The following TOX variants were observed in gnomAD, a reference collection of about 807,000 sequenced individuals.
TOX encodes the protein thymocyte selection associated high mobility group box.
Under a neutral mutation model 53.7 loss-of-function variants are expected in TOX, and 11 were observed. The observed-to-expected ratio is 0.20, with a 90% CI of 0.13 to 0.34. The LOEUF is 0.34. Among genes scored for constraint, TOX ranks in the 10% least tolerant of loss-of-function variants. The probability of loss-of-function intolerance (pLI) is 1.00; values close to 1 mark genes in which losing one functional copy is unlikely to be tolerated. For synonymous variants in TOX, 225 were observed against 245.3 expected (o/e 0.92, Z 0.77); for missense variants, 570 against 664.6 (o/e 0.86, Z 1.56).
chr8:58,979,166 A>T (rs1004628348), intron 1 of TOX, among the ~76,000 whole-genome samples: 3 of 152,228 alleles, frequency 2.0e-5, no homozygotes, highest in African/African-American at 7.2e-5. Flanking sequence ...TTAAAATGTC[A>T]GTAGTTGATT....
At position 58,838,902 on chromosome 8, in the gene TOX, A is replaced by G. The variant is rs184628219; in HGVS notation, c.694-591T>C. Among the ~76,000 whole-genome samples, 12 of 152,000 alleles carry G rather than the reference A, an allele frequency of 7.9e-5. No individual in the cohort carries two copies. In the East Asian group the frequency reaches 2.3e-3, roughly 29 times the overall value. On this transcript the variant is annotated intron_variant, in intron 4 of 8. Transcript: ENST00000361421. Reference sequence around the variant, plus strand: ...ATTTTAGTAGAGATGGGTTTTCACCATGTTGGCCAGGATGGTCTCGATCTC... The same window carrying G: ...ATTTTAGTAGAGATGGGTTTTCACCGTGTTGGCCAGGATGGTCTCGATCTC...
intron 1 of TOX, among the ~76,000 whole-genome samples, chr8:59,084,238 T>A (rs1466260736): frequency 6.6e-6 from 1 of 152,130 alleles, no homozygotes; most frequent in Non-Finnish European, 1.5e-5. Flanking sequence ...AAATATTACA[T>A]CTTTATTATC....
At chr8:58,998,030 G>A (rs1028167399) in intron 1 of TOX, among the ~76,000 whole-genome samples, 2 of 152,100 alleles carry the variant, frequency 1.3e-5, no homozygotes, top group African/African-American at 2.4e-5. Context: ...CTGACCTCGT[G>A]ATCCGCCCGC....
chr8:58,957,130 G>T lies in TOX; in HGVS notation c.168+2813C>A, dbSNP rs1031321837. 9.2e-5 allele frequency among the ~76,000 whole-genome samples: 14 copies of T among 152,156 alleles called. 1 individual carries two copies. Among genetic ancestry groups the T allele is most frequent in the Admixed American group, 7.9e-4 (12 of 15,264 alleles). On this transcript the variant is annotated intron_variant, in intron 2 of 8. Transcript: ENST00000361421. Reference sequence around the variant, plus strand: ...ACTTTCTCCCACAAACTCTTAACGGGACAAAGTTCAGGAGGCATTAAGCAA... The same window carrying T: ...ACTTTCTCCCACAAACTCTTAACGGTACAAAGTTCAGGAGGCATTAAGCAA...
chr8:58,905,704 T>C (rs1007338296), intron 3 of TOX, among the ~76,000 whole-genome samples: 30 of 152,228 alleles, frequency 2.0e-4, no homozygotes, highest in African/African-American at 7.0e-4. Flanking sequence ...CACAGTCGAG[T>C]TCACAACGTG....
At chr8:58,827,133 A>G (rs1430707896) in intron 5 of TOX, among the ~76,000 whole-genome samples, 1 of 152,168 alleles carries the variant, frequency 6.6e-6, no homozygotes, top group Non-Finnish European at 1.5e-5. Context: ...ACACTTTTAC[A>G]TAAAACATAT....
At chr8:58,846,268 T>C (rs941651410) in intron 4 of TOX, among the ~76,000 whole-genome samples, 19 of 152,260 alleles carry the variant, frequency 1.2e-4, no homozygotes, top group African/African-American at 3.4e-4. Flanking sequence ...GTTTAATTGC[T>C]GTGATCTAAT....
chr8:59,025,638 G>T (rs1351245976), intron 1 of TOX, among the ~76,000 whole-genome samples: 1 of 152,046 alleles, frequency 6.6e-6, no homozygotes, highest in African/African-American at 2.4e-5. Flanking sequence ...CCACCTCTCT[G>T]CCTTCTCCCC....
chr8:58,827,427 G>T (rs1199724398), intron 5 of TOX, among the ~76,000 whole-genome samples: 1 of 152,186 alleles, frequency 6.6e-6, no homozygotes, highest in Non-Finnish European at 1.5e-5. Context: ...GAGCCTTGAA[G>T]TTCTATTTTC....
Position 58,994,415 on chromosome 8 carries a change from T to C in TOX, c.103-34407A>G, listed in dbSNP as rs753158911. Among the ~76,000 whole-genome samples the C allele has an allele frequency of 7.5e-3, 971 of 129,724 alleles. 7 individuals are homozygous for C. Among genetic ancestry groups the C allele is most frequent in the Non-Finnish European group, 9.2e-3 (543 of 59,088 alleles). 85.1% of individuals were successfully genotyped at this position (129,724 alleles called of 152,430 possible). ...AAGTGTGTGTGTGTGTGTGTGTGTG[T>C]GTGTGCGCGCGCGCATGTGTGTGTA... On this transcript the variant is annotated intron_variant, in intron 1 of 8. Coordinates refer to ENST00000361421, the MANE Select transcript of TOX (RefSeq NM_014729.3).
intron 1 of TOX, among the ~76,000 whole-genome samples, chr8:59,085,495 C>T (rs779582811): frequency 2.2e-4 from 33 of 152,108 alleles, no homozygotes; most frequent in Non-Finnish European, 3.2e-4. Flanking sequence ...CTCAAGTGAT[C>T]CTCCTGCCTC....
At chr8:59,092,362 TATATAA>T (rs1804638994) in intron 1 of TOX, among the ~76,000 whole-genome samples, 3 of 129,476 alleles carry the variant, frequency 2.3e-5, no homozygotes, top group African/African-American at 9.6e-5. Flanking sequence ...ATATTATATA[TATATAA>T]TAAAAAATAA....
chr8:58,837,893 T>C (rs1810572758), intron 5 of TOX, among the ~76,000 whole-genome samples, 188 bp downstream of exon 5: 2 of 152,224 alleles, frequency 1.3e-5, no homozygotes, highest in Admixed American at 1.3e-4. Flanking sequence ...ATCAACATGC[T>C]ATTTATGGAG....
chr8:59,001,430 T>C (rs992550156), intron 1 of TOX, among the ~76,000 whole-genome samples: 6 of 152,118 alleles, frequency 3.9e-5, no homozygotes, highest in Admixed American at 3.9e-4. Flanking sequence ...AACAGGCAAA[T>C]ATCTCATGAT....
At chr8:58,948,377 TC>T (rs1208363842) in intron 2 of TOX, among the ~76,000 whole-genome samples, 1 of 152,186 alleles carries the variant, frequency 6.6e-6, no homozygotes, top group Non-Finnish European at 1.5e-5. Flanking sequence ...GGGATTTGTC[TC>T]CTCTCAGTAT....
chr8:59,010,969 G>A, intron 1 of TOX, among the ~76,000 whole-genome samples: 1 of 152,164 alleles, frequency 6.6e-6, no homozygotes, highest in East Asian at 1.9e-4. Context: ...AAGCAAGGCT[G>A]TTTCCCATCC....
chr8:58,830,517 C>T (rs1810435664), intron 5 of TOX, among the ~76,000 whole-genome samples: 1 of 152,122 alleles, frequency 6.6e-6, no homozygotes, highest in African/African-American at 2.4e-5. Context: ...AGTTCAATAT[C>T]AACGATATGA....
intron 1 of TOX, among the ~76,000 whole-genome samples, chr8:59,028,879 A>AT (rs1814295761): frequency 1.3e-5 from 2 of 152,006 alleles, no homozygotes; most frequent in African/African-American, 4.8e-5. Context: ...GCTGTAAAAT[A>AT]TTTTTTCAAT....
rs896681103 is a variant in TOX, at chr8:59,118,753, T to G, written c.102+133A>C. ...ATTTACTACCCAAGCGCACGCAGGC[T>G]GCAGCGGGCTGCGAGCCGAGCGCGC... On this transcript the variant is annotated intron_variant, in intron 1 of 8. Transcript: ENST00000361421. The surrounding 1 kb of genome is among the most constrained non-coding windows in gnomAD (Gnocchi z 4.1). 12 of 479,442 alleles carry G rather than the reference T, an allele frequency of 2.5e-5. No individual in the cohort carries two copies. The highest frequency in any genetic ancestry group is 3.9e-5 in the Non-Finnish European group (11 of 282,770). 29.7% of individuals were successfully genotyped at this position (479,442 alleles called of 1,614,324 possible). A position where few individuals can be genotyped will look rare whatever the true frequency, so the allele number is the denominator to read the frequency against.
Sources: gnomAD v4.1 joint callset for allele counts (sites outside exome capture counted in the v4.1 genomes callset) on GRCh38, gnomAD v4.1.1 for gene constraint, Gnocchi (gnomAD v3.1) non-coding constraint, MANE v1.5 for transcripts, NCBI Gene and HGNC (gene_info 2026-07-23, HGNC 2026-07-21) for gene names.